Variants in VAV3 observed in about 807,000 individuals in gnomAD.
VAV3 encodes the protein guanine nucleotide exchange factor VAV3.
In VAV3, 94 loss-of-function variants were observed where a neutral mutation model predicts 131.2. The observed-to-expected ratio is 0.72, with a 90% CI of 0.61 to 0.85. The LOEUF is 0.85. VAV3 is among the 40% of genes least tolerant of loss of function. VAV3 has a pLI of 0.00. For missense variants in VAV3, 939 were observed against 1,002.7 expected (o/e 0.94, Z 0.86); for synonymous variants, 349 against 342.0 (o/e 1.02, Z -0.22).
chr1:107,730,760 T>C (rs1024047528), intron 15 of VAV3, among the ~76,000 whole-genome samples: 3 of 152,136 alleles, frequency 2.0e-5, no homozygotes, highest in Non-Finnish European at 4.4e-5. Flanking sequence ...ATATTTTTCA[T>C]CTAGTGAATG....
chr1:107,651,725 C>T (rs1656189544), intron 19 of VAV3, among the ~76,000 whole-genome samples: 1 of 151,924 alleles, frequency 6.6e-6, no homozygotes, highest in Admixed American at 6.6e-5. Flanking sequence ...TTGGCTTTTC[C>T]TCATTCAATC....
chr1:107,936,874 C>G (rs780300370), intron 1 of VAV3, among the ~76,000 whole-genome samples: 6 of 152,156 alleles, frequency 3.9e-5, no homozygotes, highest in Non-Finnish European at 8.8e-5. Context: ...TGCTCCTTCC[C>G]CGACCGATCT....
intron 1 of VAV3, among the ~76,000 whole-genome samples, chr1:107,915,265 G>A (rs1310402023): frequency 6.6e-6 from 1 of 152,136 alleles, no homozygotes; most frequent in East Asian, 1.9e-4. Context: ...ACTATTAAAG[G>A]TTTAATGAGA....
intron 1 of VAV3, among the ~76,000 whole-genome samples, chr1:107,924,591 A>G (rs998876086): frequency 6.6e-6 from 1 of 152,226 alleles, no homozygotes; most frequent in Admixed American, 6.5e-5. Context: ...CTGATCATGC[A>G]AATACAATAC....
intron 2 of VAV3, among the ~76,000 whole-genome samples, chr1:107,838,357 C>T (rs1431626316): frequency 6.6e-6 from 1 of 152,156 alleles, no homozygotes; most frequent in Non-Finnish European, 1.5e-5. Flanking sequence ...AAATGTTCAA[C>T]ATCACTAATC....
intron 25 of VAV3, among the ~76,000 whole-genome samples, chr1:107,580,854 A>G (rs1649992115): frequency 6.6e-6 from 1 of 152,226 alleles, no homozygotes; most frequent in South Asian, 2.1e-4. Context: ...CCATACTGAT[A>G]ATATATCCAC....
intron 6 of VAV3, among the ~76,000 whole-genome samples, chr1:107,769,602 T>TAAGG (rs1664926498): frequency 2.0e-5 from 3 of 152,250 alleles, no homozygotes; most frequent in African/African-American, 7.2e-5. Context: ...CCAATCTATT[T>TAAGG]GTCAATTCAG....
chr1:107,592,462 T>G (rs1452184310), intron 25 of VAV3, among the ~76,000 whole-genome samples: 1 of 152,082 alleles, frequency 6.6e-6, no homozygotes, highest in African/African-American at 2.4e-5. Context: ...ACTTGGATAT[T>G]ATATAAATAT....
intron 1 of VAV3, among the ~76,000 whole-genome samples, chr1:107,947,024 A>G (rs936009764): frequency 1.3e-5 from 2 of 152,240 alleles, no homozygotes; most frequent in African/African-American, 4.8e-5. Flanking sequence ...ACCCAGAGGG[A>G]AAAGAGCCTG....
intron 6 of VAV3, among the ~76,000 whole-genome samples, chr1:107,769,606 A>C (rs575744150): frequency 1.1e-4 from 16 of 152,282 alleles, no homozygotes; most frequent in Middle Eastern, 6.8e-3. Flanking sequence ...TCTATTTGTC[A>C]ATTCAGTCTT....
chr1:107,854,582 A>G (rs1384686849), intron 2 of VAV3, among the ~76,000 whole-genome samples: 1 of 152,088 alleles, frequency 6.6e-6, no homozygotes, highest in African/African-American at 2.4e-5. Context: ...CTGCAATCTC[A>G]TCTCCTGCTA....
rs1666714015 is a variant in VAV3, at chr1:107,799,271, GTTTCTTTATT to G, written c.322-19789_322-19780del. The stretch of plus-strand genomic sequence containing the variant: ...TAAGAAGCTTCCTAATTCAAAATCA[GTTTCTTTATT>G]TGCCTTTTCTGTTTTTAGTGTTCAC... On this transcript the variant is annotated intron_variant, in intron 2 of 26. Transcript: ENST00000370056. Among the ~76,000 whole-genome samples, 4 of 146,990 alleles carry G rather than the reference GTTTCTTTATT, an allele frequency of 2.7e-5. No individual in the cohort carries two copies. The South Asian group carries it at 8.6e-4, about 32-fold the overall frequency.
intron 9 of VAV3, among the ~76,000 whole-genome samples, chr1:107,763,050 CAGAAGACACAA>C (rs1664528411): frequency 6.6e-6 from 1 of 152,182 alleles, no homozygotes; most frequent in African/African-American, 2.4e-5. Context: ...AACCACAAAA[CAGAAGACACAA>C]AGAAGGCAGA....
chr1:107,778,622 T>A (rs191751543), intron 3 of VAV3, among the ~76,000 whole-genome samples: 56 of 152,250 alleles, frequency 3.7e-4, no homozygotes, highest in African/African-American at 1.1e-3. Flanking sequence ...CCCCACTAAG[T>A]CCTGCTTGGA....
chr1:107,779,567 A>C (rs1665570535), intron 2 of VAV3, 75 bp from the exon 3 acceptor site: 1 of 1,209,528 alleles, frequency 8.3e-7, no homozygotes, highest in Admixed American at 2.7e-5. Context: ...AATTTTTTCA[A>C]TCTAATATTA....
intron 12 of VAV3, 56 bp downstream of exon 12, chr1:107,755,371 T>C (rs1664041908): frequency 7.8e-7 from 1 of 1,285,422 alleles, no homozygotes; most frequent in South Asian, 1.2e-5. Flanking sequence ...CAACAACTCC[T>C]AGAATGTCGT....
chr1:107,673,781 T>G (rs1188375702), intron 19 of VAV3: 1 of 152,144 alleles, frequency 6.6e-6, no homozygotes, highest in Non-Finnish European at 1.5e-5. Context: ...AATAAACATG[T>G]GGCTGCACAT....
intron 2 of VAV3, among the ~76,000 whole-genome samples, chr1:107,822,805 C>T (rs1374346360): frequency 2.0e-5 from 3 of 152,094 alleles, no homozygotes; most frequent in Admixed American, 6.6e-5. Flanking sequence ...GAGGTTCATT[C>T]CTTCTATAAT....
intron 15 of VAV3, among the ~76,000 whole-genome samples, chr1:107,719,401 A>G (rs560457847): frequency 1.1e-3 from 163 of 152,378 alleles, no homozygotes; most frequent in African/African-American, 3.8e-3. Context: ...GTCGAAGGAT[A>G]TAAACAGACA....
Sources: allele counts gnomAD v4.1 joint callset (sites outside exome capture counted in the v4.1 genomes callset), GRCh38; gene constraint gnomAD v4.1.1; transcripts MANE v1.5; gene names NCBI Gene and HGNC (gene_info 2026-07-23, HGNC 2026-07-21).